Variants in FSTL5 observed in about 807,000 individuals in gnomAD.
FSTL5 encodes the protein follistatin-related protein 5.
FSTL5 carries 62 observed loss-of-function variants against 89.1 expected under a neutral mutation model. The ratio of observed to expected loss-of-function variants is 0.70; its 90% CI spans 0.57 to 0.86. The LOEUF (loss-of-function observed/expected upper bound fraction) is 0.86, where lower values mean the gene tolerates loss of function less well. Ranked by LOEUF, FSTL5 falls within the 40% of genes least tolerant of loss-of-function variation. The pLI is 0.00. For synonymous variants in FSTL5, 383 were observed against 346.2 expected (o/e 1.11, Z -1.18); for missense variants, 1,057 against 1,001.6 (o/e 1.06, Z -0.75).
chr4:161,681,792 T>C (rs1483038155), intron 6 of FSTL5, among the ~76,000 whole-genome samples: 1 of 152,174 alleles, frequency 6.6e-6, no homozygotes, highest in African/African-American at 2.4e-5. Context: ...TTTTAAGACT[T>C]TGTGTATGTT....
chr4:161,965,543 T>C (rs576292385), intron 3 of FSTL5, among the ~76,000 whole-genome samples: 144 of 152,206 alleles, frequency 9.5e-4, no homozygotes, highest in Middle Eastern at 3.4e-3. Flanking sequence ...CTCATGGAAT[T>C]TGACTTAACA....
chr4:161,855,608 C>T (rs927319746), intron 4 of FSTL5, among the ~76,000 whole-genome samples: 1 of 152,026 alleles, frequency 6.6e-6, no homozygotes, highest in African/African-American at 2.4e-5. Flanking sequence ...TTAAAATTTA[C>T]AGAAAAGGTA....
intron 6 of FSTL5, among the ~76,000 whole-genome samples, chr4:161,723,665 T>C (rs915768723): frequency 1.3e-5 from 2 of 152,110 alleles, no homozygotes; most frequent in African/African-American, 4.8e-5. Context: ...GAAGTATGCT[T>C]AAAGCTGTGA....
intron 8 of FSTL5, among the ~76,000 whole-genome samples, chr4:161,582,684 C>A (rs981562287): frequency 6.6e-6 from 1 of 152,088 alleles, no homozygotes; most frequent in Non-Finnish European, 1.5e-5. Flanking sequence ...TTTTGTTTGG[C>A]AAAATATTTT....
At chr4:161,455,478 A>C (rs1303047669) in intron 14 of FSTL5, among the ~76,000 whole-genome samples, 1 of 152,198 alleles carries the variant, frequency 6.6e-6, no homozygotes, top group Admixed American at 6.5e-5. Flanking sequence ...GTGTGATATT[A>C]GGACAAAATC....
At chr4:161,819,128 C>T (rs1297977684) in intron 4 of FSTL5, among the ~76,000 whole-genome samples, 3 of 152,002 alleles carry the variant, frequency 2.0e-5, no homozygotes, top group Non-Finnish European at 4.4e-5. Flanking sequence ...ATAAAATATA[C>T]TATTAACCTT....
At chr4:161,582,023 T>A (rs1306466775) in intron 8 of FSTL5, among the ~76,000 whole-genome samples, 3 of 152,246 alleles carry the variant, frequency 2.0e-5, no homozygotes, top group East Asian at 3.8e-4. Context: ...TAATGTTTCT[T>A]CAGACAATGG....
rs150996919 is a variant in FSTL5 at position 161,666,128 on chromosome 4, C to A, written c.728-9634G>T. Among the ~76,000 whole-genome samples, 1,192 of 151,938 alleles carry A rather than the reference C, an allele frequency of 7.8e-3. 49 individuals are homozygous for A. Among genetic ancestry groups the A allele is most frequent in the Admixed American group, 0.059 (898 of 15,272 alleles). ...AAGACCAAAAACACAAGTCACCAAG[C>A]GGAAGATAATTGCCACCCACAAAAC... On this transcript the variant is annotated intron_variant, in intron 6 of 15. Coordinates refer to ENST00000306100, the MANE Select transcript of FSTL5 (RefSeq NM_020116.5).
At chr4:161,525,966 C>A (rs72685723) in intron 10 of FSTL5, among the ~76,000 whole-genome samples, 35,433 of 152,030 alleles carry the variant, frequency 0.23, 5,493 homozygotes, top group Non-Finnish European at 0.35. Flanking sequence ...TTTTCCTTGT[C>A]TTTGAAATGC....
At chr4:162,027,058 T>G (rs1162000874) in intron 3 of FSTL5, among the ~76,000 whole-genome samples, 1 of 152,172 alleles carries the variant, frequency 6.6e-6, no homozygotes, top group Non-Finnish European at 1.5e-5. Flanking sequence ...AATTGAGCCC[T>G]TCTTAGAATA....
At chr4:162,100,879 C>G (rs1405890965) in intron 2 of FSTL5, among the ~76,000 whole-genome samples, 1 of 152,162 alleles carries the variant, frequency 6.6e-6, no homozygotes, top group Non-Finnish European at 1.5e-5. Flanking sequence ...AGGCCCTTAA[C>G]TCAAGAGAAA....
intron 4 of FSTL5, among the ~76,000 whole-genome samples, chr4:161,791,539 C>A (rs546647924): frequency 6.6e-6 from 1 of 152,168 alleles, no homozygotes; most frequent in Admixed American, 6.5e-5. Flanking sequence ...CAGCTATCAG[C>A]CATACATAAA....
intron 3 of FSTL5, among the ~76,000 whole-genome samples, chr4:161,976,425 C>T (rs1326799813): frequency 1.3e-5 from 2 of 152,090 alleles, no homozygotes; most frequent in African/African-American, 4.8e-5. Context: ...GGGACTCAGG[C>T]ATTAGTCGTT....
At chr4:161,928,554 C>T (rs1021553948) in intron 3 of FSTL5, among the ~76,000 whole-genome samples, 4 of 151,822 alleles carry the variant, frequency 2.6e-5, no homozygotes, top group South Asian at 2.1e-4. Flanking sequence ...GAGAGTTTTT[C>T]GTTGTTCTAT....
intron 3 of FSTL5, among the ~76,000 whole-genome samples, chr4:162,020,201 G>A (rs1184517137): frequency 1.3e-5 from 2 of 151,674 alleles, no homozygotes; most frequent in African/African-American, 4.8e-5. Flanking sequence ...TTCATTCCTC[G>A]ATTAACCAGG....
chr4:162,115,299 T>A (rs565135646), intron 1 of FSTL5, among the ~76,000 whole-genome samples: 2 of 152,356 alleles, frequency 1.3e-5, no homozygotes, highest in East Asian at 3.9e-4. Context: ...CAGAGAATCA[T>A]GATCATCTTC....
At chr4:162,149,520 G>A (rs1670930537) in intron 1 of FSTL5, among the ~76,000 whole-genome samples, 1 of 151,802 alleles carries the variant, frequency 6.6e-6, no homozygotes, top group African/African-American at 2.4e-5. Flanking sequence ...GCATCTCTGT[G>A]GTTCCAGCTA....
intron 3 of FSTL5, among the ~76,000 whole-genome samples, chr4:161,928,482 A>T (rs1734190909): frequency 6.6e-6 from 1 of 151,770 alleles, no homozygotes; most frequent in Non-Finnish European, 1.5e-5. Context: ...TAGTTTTATA[A>T]AAAACTACCA....
At chr4:161,897,497 C>A (rs1019409757) in intron 4 of FSTL5, among the ~76,000 whole-genome samples, 3 of 147,494 alleles carry the variant, frequency 2.0e-5, no homozygotes, top group African/African-American at 7.5e-5. Context: ...ATTGCTTGAA[C>A]CTGGGAGGCG....
Sources: allele counts gnomAD v4.1 joint callset (sites outside exome capture counted in the v4.1 genomes callset), GRCh38; gene constraint gnomAD v4.1.1; transcripts MANE v1.5; gene names NCBI Gene and HGNC (gene_info 2026-07-23, HGNC 2026-07-21).